RPS6KC1: variants seen among roughly 807,000 people sequenced by gnomAD.
The protein encoded by RPS6KC1 is ribosomal protein S6 kinase C1, also known as inactive ribosomal protein S6 kinase delta-1.
Under a neutral mutation model 103.8 loss-of-function variants are expected in RPS6KC1, and 54 were observed. That is an observed-to-expected ratio of 0.52 (90% confidence interval 0.42 to 0.65). The LOEUF is 0.65. RPS6KC1 is among the 30% of genes least tolerant of loss of function. RPS6KC1 has a pLI of 0.00. For synonymous variants in RPS6KC1, 439 were observed against 438.7 expected, an observed-to-expected ratio of 1.00 and a Z score of -0.01; for missense variants, 1,151 against 1,253.8, an observed-to-expected ratio of 0.92 and a Z score of 1.24.
At chr1:213,808,259 C>T in the RPS6KC1 span, among the ~76,000 whole-genome samples, 290 of 152,284 alleles carry the variant, frequency 1.9e-3, no homozygotes, top group African/African-American at 6.7e-3. Flanking sequence ...GCAGTCTGCC[C>T]GTTCTCAGAT....
chr1:213,344,368 TAAA>T, the RPS6KC1 span, among the ~76,000 whole-genome samples: 1 of 152,170 alleles, frequency 6.6e-6, no homozygotes, highest in Admixed American at 6.5e-5. Flanking sequence ...TCTCAAAAGA[TAAA>T]AGAAGAGAAT....
chr1:213,722,305 C>T, the RPS6KC1 span, among the ~76,000 whole-genome samples: 1 of 152,130 alleles, frequency 6.6e-6, no homozygotes, highest in Non-Finnish European at 1.5e-5. Flanking sequence ...CTCCAGTACC[C>T]AAACTTTCCT....
the RPS6KC1 span, among the ~76,000 whole-genome samples, chr1:213,860,918 T>G: frequency 6.6e-6 from 1 of 151,994 alleles, no homozygotes; most frequent in South Asian, 2.1e-4. Flanking sequence ...AAGCGATTCT[T>G]CTGCCTCAGC....
At chr1:213,786,940 A>G in the RPS6KC1 span, among the ~76,000 whole-genome samples, 1 of 152,218 alleles carries the variant, frequency 6.6e-6, no homozygotes, top group Admixed American at 6.5e-5. Context: ...CTTAGGAAGA[A>G]CTAGGTTAGT....
At chr1:213,453,627 C>T in the RPS6KC1 span, among the ~76,000 whole-genome samples, 2 of 152,182 alleles carry the variant, frequency 1.3e-5, no homozygotes, top group Non-Finnish European at 2.9e-5. Flanking sequence ...AGTCAGAGGC[C>T]GGAGGTTCAG....
chr1:213,775,317 T>G, the RPS6KC1 span, among the ~76,000 whole-genome samples: 2 of 152,206 alleles, frequency 1.3e-5, no homozygotes, highest in Non-Finnish European at 2.9e-5. Flanking sequence ...TGAGTTATTG[T>G]TGGGCAGGGA....
At chr1:213,807,904 G>A in the RPS6KC1 span, among the ~76,000 whole-genome samples, 6 of 152,140 alleles carry the variant, frequency 3.9e-5, no homozygotes, top group Non-Finnish European at 8.8e-5. Flanking sequence ...CATCTTTGTG[G>A]TTTTATCTCC....
At chr1:213,485,189 T>C in the RPS6KC1 span, among the ~76,000 whole-genome samples, 7 of 152,116 alleles carry the variant, frequency 4.6e-5, no homozygotes, top group Non-Finnish European at 1.0e-4. Context: ...TCAAACCAGA[T>C]ACTATTCTGG....
At chr1:213,417,179 G>A in the RPS6KC1 span, among the ~76,000 whole-genome samples, 1 of 151,920 alleles carries the variant, frequency 6.6e-6, no homozygotes, top group Non-Finnish European at 1.5e-5. Flanking sequence ...TCTTTCATTC[G>A]CCGGGCCCCA....
the RPS6KC1 span, among the ~76,000 whole-genome samples, chr1:213,289,327 T>C: frequency 5.3e-5 from 8 of 150,552 alleles, no homozygotes; most frequent in Non-Finnish European, 1.2e-4. Context: ...ATGGAGATGA[T>C]TTATGTATAT....
At chr1:213,160,295 A>G (rs1408587082) in intron 6 of RPS6KC1, among the ~76,000 whole-genome samples, 1 of 152,234 alleles carries the variant, frequency 6.6e-6, no homozygotes, top group African/African-American at 2.4e-5. Context: ...CAATAAAAAG[A>G]TAGCTTTGTA....
At chr1:213,229,109 T>C (rs2094027600) in intron 8 of RPS6KC1, among the ~76,000 whole-genome samples, 1 of 152,122 alleles carries the variant, frequency 6.6e-6, no homozygotes, top group African/African-American at 2.4e-5. Flanking sequence ...GGCAGGGCCT[T>C]GGGAAGAGGA....
At chr1:213,744,530 C>CAA in the RPS6KC1 span, among the ~76,000 whole-genome samples, 1 of 152,218 alleles carries the variant, frequency 6.6e-6, no homozygotes, top group Admixed American at 6.5e-5. Flanking sequence ...TCCAGGCAAG[C>CAA]CTGGCTCTGC....
At chr1:213,597,080 A>G in the RPS6KC1 span, among the ~76,000 whole-genome samples, 1 of 152,200 alleles carries the variant, frequency 6.6e-6, no homozygotes, top group Admixed American at 6.5e-5. Flanking sequence ...ATACCCGAAC[A>G]AGAGAATGGA....
At chr1:213,057,033 A>G (rs1471291743) in intron 1 of RPS6KC1, among the ~76,000 whole-genome samples, 9 of 151,992 alleles carry the variant, frequency 5.9e-5, no homozygotes, top group African/African-American at 1.7e-4. Flanking sequence ...TTGACTTTGC[A>G]GGCTCAAGCA....
intron 4 of RPS6KC1, among the ~76,000 whole-genome samples, chr1:213,107,304 C>T (rs552449613): frequency 5.3e-5 from 8 of 152,266 alleles, no homozygotes; most frequent in Admixed American, 4.6e-4. Context: ...TGGTGATCCC[C>T]TTTTCCATCC....
At chr1:213,396,687 C>G in the RPS6KC1 span, among the ~76,000 whole-genome samples, 6 of 152,204 alleles carry the variant, frequency 3.9e-5, no homozygotes, top group Non-Finnish European at 7.3e-5. Context: ...CTCCTCTGTG[C>G]AGCAGTGTTA....
At chr1:213,830,236 T>C in the RPS6KC1 span, among the ~76,000 whole-genome samples, 1 of 152,218 alleles carries the variant, frequency 6.6e-6, no homozygotes, top group Non-Finnish European at 1.5e-5. Flanking sequence ...ACTTGGCTAA[T>C]GTATTTTGTC....
At chr1:213,279,331 G>A (rs2095118444), downstream of RPS6KC1, among the ~76,000 whole-genome samples, 2 of 152,130 alleles carry the variant, frequency 1.3e-5, no homozygotes, top group Non-Finnish European at 2.9e-5. Context: ...TAGAGGTAGA[G>A]TGTTCCTATC....
Sources: allele counts gnomAD v4.1 joint callset (sites outside exome capture counted in the v4.1 genomes callset), GRCh38; gene constraint gnomAD v4.1.1; transcripts MANE v1.5; gene names NCBI Gene and HGNC (gene_info 2026-07-23, HGNC 2026-07-21).